Variants in SGPP2 observed in about 807,000 individuals in gnomAD.
SGPP2 encodes the protein sphingosine 1-phosphate phosphohydrolase 2.
A neutral mutation model predicts 33.9 loss-of-function variants in SGPP2; 30 were observed. The observed-to-expected ratio is 0.89, with a 90% confidence interval of 0.66 to 1.20. The LOEUF (loss-of-function observed/expected upper bound fraction) is 1.20, where lower values mean the gene tolerates loss of function less well. SGPP2 is among the 50% of genes most tolerant of loss of function. The pLI, the probability that SGPP2 is intolerant of heterozygous loss-of-function variation, is 0.00. For synonymous variants in SGPP2, 233 were observed against 225.0 expected (o/e 1.04, Z -0.32); for missense variants, 458 against 532.1 (o/e 0.86, Z 1.37).
intron 1 of SGPP2, among the ~76,000 whole-genome samples, chr2:222,434,305 C>T (rs1292563009): frequency 6.6e-6 from 1 of 152,180 alleles, no homozygotes; most frequent in African/African-American, 2.4e-5. Flanking sequence ...ATAATTGACA[C>T]ATAATAATTG....
At chr2:222,454,229 C>T (rs1002221831) in intron 1 of SGPP2, among the ~76,000 whole-genome samples, 9 of 152,052 alleles carry the variant, frequency 5.9e-5, no homozygotes, top group African/African-American at 2.2e-4. Context: ...GAGAGGAGAG[C>T]CTGCTGGTGT....
chr2:222,469,519 T>C (rs12476857), intron 1 of SGPP2, among the ~76,000 whole-genome samples: 72,739 of 152,088 alleles, frequency 0.48, 18,325 homozygotes, highest in African/African-American at 0.65. Flanking sequence ...CTCCTCAAAG[T>C]CTGCCATCAA....
At chr2:222,453,849 C>T (rs945731016) in intron 1 of SGPP2, among the ~76,000 whole-genome samples, 2 of 152,258 alleles carry the variant, frequency 1.3e-5, no homozygotes, top group South Asian at 2.1e-4. Flanking sequence ...ACCCCTAACC[C>T]GTGCATTGTT....
At chr2:222,487,942 A>C (rs1343816517) in intron 2 of SGPP2, among the ~76,000 whole-genome samples, 1 of 152,144 alleles carries the variant, frequency 6.6e-6, no homozygotes, top group Non-Finnish European at 1.5e-5. Context: ...CATACTCCAC[A>C]GGACAGGAGT....
intron 1 of SGPP2, among the ~76,000 whole-genome samples, chr2:222,461,601 T>A (rs1438862862): frequency 6.6e-6 from 1 of 151,728 alleles, no homozygotes; most frequent in Non-Finnish European, 1.5e-5. Flanking sequence ...TGCAACTAGA[T>A]GGTCCCATCT....
intron 2 of SGPP2, among the ~76,000 whole-genome samples, chr2:222,500,535 G>C (rs927094044): frequency 2.0e-5 from 3 of 152,190 alleles, no homozygotes; most frequent in African/African-American, 7.2e-5. Context: ...TGTTTGGAAA[G>C]AGTATGAAAT....
intron 4 of SGPP2, among the ~76,000 whole-genome samples, chr2:222,529,699 T>A (rs575638678): frequency 1.2e-4 from 18 of 152,312 alleles, no homozygotes; most frequent in South Asian, 2.1e-4. Context: ...CTCAAAGTTA[T>A]CCATAAGGGC....
intron 2 of SGPP2, among the ~76,000 whole-genome samples, chr2:222,508,261 A>G (rs576736815): frequency 6.6e-6 from 1 of 152,350 alleles, no homozygotes; most frequent in Admixed American, 6.5e-5. Flanking sequence ...ATTCTCATGT[A>G]TTATACATAT....
At chr2:222,505,295 T>C (rs1247882041) in intron 2 of SGPP2, among the ~76,000 whole-genome samples, 1 of 152,194 alleles carries the variant, frequency 6.6e-6, no homozygotes, top group East Asian at 1.9e-4. Flanking sequence ...AACTGCATAA[T>C]TGTAAAAGAA....
intron 2 of SGPP2, among the ~76,000 whole-genome samples, chr2:222,488,109 T>TGTGCAAG (rs1460024113): frequency 6.6e-6 from 1 of 152,220 alleles, no homozygotes; most frequent in Non-Finnish European, 1.5e-5. Context: ...CCTTGCACCC[T>TGTGCAAG]GTAAAATCTC....
intron 1 of SGPP2, among the ~76,000 whole-genome samples, chr2:222,472,354 G>A (rs1163885469): frequency 6.6e-6 from 1 of 152,080 alleles, no homozygotes; most frequent in Non-Finnish European, 1.5e-5. Context: ...CCAAGTGGAA[G>A]ACGAGAGTTT....
chr2:222,537,233 A>G (rs182496134), intron 4 of SGPP2, among the ~76,000 whole-genome samples: 1 of 152,248 alleles, frequency 6.6e-6, no homozygotes, highest in South Asian at 2.1e-4. Flanking sequence ...TAGGCATGAT[A>G]TCAAATGAAT....
rs779843627 is a variant in SGPP2 at position 222,525,075 on chromosome 2, A to C, written c.648+42A>C. ...AGGTCTTGTGGTGATTGTTTGAATGATATTGTGGTCAGTGTGTCAATATGT... is the reference window on the plus strand; with the variant it reads ...AGGTCTTGTGGTGATTGTTTGAATGCTATTGTGGTCAGTGTGTCAATATGT... On this transcript the variant is annotated intron_variant, in intron 4 of 4. Coordinates refer to ENST00000321276, the MANE Select transcript of SGPP2 (RefSeq NM_152386.4). The C allele has an allele frequency of 4.8e-6, 7 of 1,450,996 alleles. No individual in the cohort carries two copies. The Admixed American group carries it at 1.3e-4, about 26-fold the overall frequency. 89.9% of individuals were successfully genotyped at this position (1,450,996 alleles called of 1,614,324 possible). A position where few individuals can be genotyped will look rare whatever the true frequency, so the allele number is the denominator to read the frequency against.
At chr2:222,530,971 C>T (rs1313316339) in intron 4 of SGPP2, among the ~76,000 whole-genome samples, 2 of 152,116 alleles carry the variant, frequency 1.3e-5, no homozygotes, top group Admixed American at 1.3e-4. Context: ...GAGTTGGAGG[C>T]TGTAGTGAGG....
In SGPP2 at chr2:222,460,296, C is replaced by T. The variant is rs1056839426; in HGVS notation, c.220-14272C>T. On this transcript the variant is annotated intron_variant, in intron 1 of 4. Transcript: ENST00000321276. The surrounding 1 kb of genome is among the most constrained non-coding windows in gnomAD (Gnocchi z 4.3). ...TTTTTATTCATCTTCCAGGATGGCC[C>T]ATGAGACTCCCTGAGTACCCAGCTG... 2.0e-5 allele frequency among the ~76,000 whole-genome samples: 3 copies of T among 152,108 alleles called. No homozygotes were observed. Among genetic ancestry groups the T allele is most frequent in the African/African-American group, 7.2e-5 (3 of 41,422 alleles).
rs1689522345 is a variant in SGPP2, at chr2:222,560,766, C to T, written c.*1868C>T. The T allele has an allele frequency of 6.6e-6, 1 of 152,274 alleles. No homozygotes were observed. Among genetic ancestry groups the T allele is most frequent in the Non-Finnish European group, 1.5e-5 (1 of 68,022 alleles). The allele number at this position is 152,274 out of a possible 1,614,324, so 9.4% of individuals were successfully genotyped here. A position where few individuals can be genotyped will look rare whatever the true frequency, so the allele number is the denominator to read the frequency against. ...CTTGATTTCAAATATGTTCTACGGC[C>T]TTACTGTTGGGATGATATTTAGTAT... On this transcript the variant is annotated 3_prime_UTR_variant, in exon 5 of 5. Coordinates refer to ENST00000321276, the MANE Select transcript of SGPP2 (RefSeq NM_152386.4).
intron 2 of SGPP2, 88 bp downstream of exon 2, chr2:222,474,814 C>CTTT: frequency 1.1e-5 from 9 of 788,230 alleles, no homozygotes; most frequent in Non-Finnish European, 1.6e-5. Context: ...TATGTTCTTT[C>CTTT]TTTTTTTTTT....
At chr2:222,463,213 C>G (rs935555847) in intron 1 of SGPP2, among the ~76,000 whole-genome samples, 4 of 152,218 alleles carry the variant, frequency 2.6e-5, no homozygotes, top group Non-Finnish European at 5.9e-5. Flanking sequence ...CGGATATCCA[C>G]TACCACATAT....
At chr2:222,557,309 T>C (rs1014662143) in intron 4 of SGPP2, among the ~76,000 whole-genome samples, 1 of 152,230 alleles carries the variant, frequency 6.6e-6, no homozygotes, top group Non-Finnish European at 1.5e-5. Flanking sequence ...CAGTAGGCAC[T>C]CATACTTGAC....
Sources: allele counts gnomAD v4.1 joint callset (sites outside exome capture counted in the v4.1 genomes callset), GRCh38; gene constraint gnomAD v4.1.1; non-coding constraint Gnocchi (gnomAD v3.1); transcripts MANE v1.5; gene names NCBI Gene and HGNC (gene_info 2026-07-23, HGNC 2026-07-21).